ARID5B: variants seen among roughly 807,000 people sequenced by gnomAD.
ARID5B encodes AT-rich interactive domain-containing protein 5B.
A neutral mutation model predicts 97.2 loss-of-function variants in ARID5B; 13 were observed. That is an observed-to-expected ratio of 0.13 (90% CI 0.09 to 0.21). The LOEUF is 0.21. Ranked by LOEUF, ARID5B falls within the 10% of genes least tolerant of loss-of-function variation. The probability of loss-of-function intolerance (pLI) is 1.00; values close to 1 mark genes in which losing one functional copy is unlikely to be tolerated. For missense variants in ARID5B, 1,210 were observed against 1,465.3 expected (o/e 0.83, Z 2.84); for synonymous variants, 556 against 570.3 (o/e 0.97, Z 0.36).
intron 4 of ARID5B, among the ~76,000 whole-genome samples, chr10:62,047,826 C>T (rs1005651631): frequency 2.0e-5 from 3 of 152,164 alleles, no homozygotes; most frequent in African/African-American, 7.2e-5. Context: ...TTTTTGCTGT[C>T]CCCAAAGCCA....
At chr10:61,930,037 T>G (rs1207225669) in intron 2 of ARID5B, among the ~76,000 whole-genome samples, 1 of 152,212 alleles carries the variant, frequency 6.6e-6, no homozygotes, top group Non-Finnish European at 1.5e-5. Context: ...GATGAATTTT[T>G]GGGACCAAAC....
In ARID5B at chr10:61,940,234, G is replaced by A. The variant is rs1455393290; in HGVS notation, c.328G>A (p.Val110Ile). The change falls in exon 3 of 10, where the codon GTC becomes ATC. Residue 110 changes from valine (V) to isoleucine (I), a missense_variant. Val to Ile is a conservative substitution (Grantham distance 29, BLOSUM62 3). This residue lies in a region of ARID5B where 80 missense variants were observed against 133.2 expected (regional missense o/e 0.60). Transcript: ENST00000279873. ...EKVIVKLEDL[V>I]KWVHSDFSKW... is the part of the protein sequence containing the mutation. ...GGTGATTGTGAAGCTTGAAGACCTG[G>A]TCAAGTGGGTACATTCTGATTTCTC... 1 of 1,614,148 alleles carries A rather than the reference G, an allele frequency of 6.2e-7. No individual in the cohort carries two copies. The highest frequency in any genetic ancestry group is 2.2e-5 in the East Asian group (1 of 44,880).
At chr10:61,909,227 T>TA (rs1170241986) in intron 2 of ARID5B, among the ~76,000 whole-genome samples, 1 of 151,880 alleles carries the variant, frequency 6.6e-6, no homozygotes, top group Non-Finnish European at 1.5e-5. Context: ...CCTGACCCTA[T>TA]GCTCCCCCCA....
intron 3 of ARID5B, among the ~76,000 whole-genome samples, chr10:61,970,619 G>C (rs1363664389): frequency 4.6e-5 from 7 of 152,192 alleles, no homozygotes; most frequent in Admixed American, 2.6e-4. Flanking sequence ...CAAGAGCGCC[G>C]AGGAGGTTGA....
intron 8 of ARID5B, among the ~76,000 whole-genome samples, chr10:62,079,224 CT>C (rs1840177944): frequency 6.6e-6 from 1 of 152,126 alleles, no homozygotes; most frequent in African/African-American, 2.4e-5. Context: ...GCACAGCCAC[CT>C]TTTTGAGATG....
At chr10:62,076,464 G>C (rs1279922073) in intron 8 of ARID5B, among the ~76,000 whole-genome samples, 1 of 148,782 alleles carries the variant, frequency 6.7e-6, no homozygotes, top group Non-Finnish European at 1.5e-5. Context: ...ATCACGGGAT[G>C]AATCACGGGA....
intron 6 of ARID5B, 149 bp from the exon 7 acceptor site, chr10:62,059,094 G>T: frequency 1.8e-6 from 1 of 565,870 alleles, no homozygotes. Flanking sequence ...TGCCCTTTGG[G>T]CAAATTGTTT....
At chr10:62,035,538 T>G (rs1589267807) in intron 4 of ARID5B, among the ~76,000 whole-genome samples, 1 of 152,344 alleles carries the variant, frequency 6.6e-6, no homozygotes, top group East Asian at 1.9e-4. Context: ...TTGCCCAGGC[T>G]GGAGTGCAGT....
At chr10:62,023,046 T>G (rs889323402) in intron 4 of ARID5B, among the ~76,000 whole-genome samples, 1 of 152,200 alleles carries the variant, frequency 6.6e-6, no homozygotes, top group South Asian at 2.1e-4. Context: ...GCTTGGACTT[T>G]CCACACACTG....
At chr10:62,047,805 G>A (rs1418727736) in intron 4 of ARID5B, among the ~76,000 whole-genome samples, 3 of 152,162 alleles carry the variant, frequency 2.0e-5, no homozygotes, top group Admixed American at 2.0e-4. Context: ...GATGTGGCCT[G>A]GGGACCAGAA....
At chr10:61,946,140 A>G (rs180910368) in intron 3 of ARID5B, among the ~76,000 whole-genome samples, 1 of 151,440 alleles carries the variant, frequency 6.6e-6, no homozygotes, top group Non-Finnish European at 1.5e-5. Context: ...AAACTGAGCC[A>G]TAAGTGGCCA....
chr10:62,021,457 T>C (rs1839355560), intron 4 of ARID5B, among the ~76,000 whole-genome samples: 1 of 152,226 alleles, frequency 6.6e-6, no homozygotes, highest in South Asian at 2.1e-4. Context: ...GGAATATATG[T>C]AGCATTTGAA....
intron 2 of ARID5B, among the ~76,000 whole-genome samples, chr10:61,937,801 C>G (rs1482991269): frequency 1.3e-5 from 2 of 152,148 alleles, no homozygotes; most frequent in Non-Finnish European, 2.9e-5. Context: ...GTGATTTATG[C>G]CATTGTGTGC....
chr10:61,954,322 A>G (rs1838362604), intron 3 of ARID5B, among the ~76,000 whole-genome samples: 1 of 152,024 alleles, frequency 6.6e-6, no homozygotes. Flanking sequence ...GCGCCATTGC[A>G]CTCTAGCCTG....
chr10:61,999,984 A>G (rs1368614425), intron 3 of ARID5B, 107 bp from the exon 4 acceptor site: 16 of 1,077,384 alleles, frequency 1.5e-5, no homozygotes, highest in Non-Finnish European at 2.2e-5. Flanking sequence ...CAAGGATGAG[A>G]GTCTTTTTAG....
At chr10:61,997,117 A>G (rs1424356165) in intron 3 of ARID5B, among the ~76,000 whole-genome samples, 1 of 152,064 alleles carries the variant, frequency 6.6e-6, no homozygotes, top group African/African-American at 2.4e-5. Context: ...CAGGACCACT[A>G]TTAGCAACAC....
At chr10:61,983,867 CTT>C (rs1164342402) in intron 3 of ARID5B, among the ~76,000 whole-genome samples, 2 of 27,590 alleles carry the variant, frequency 7.2e-5, no homozygotes, top group African/African-American at 3.2e-4. Flanking sequence ...CCCTTTTGTT[CTT>C]TTTTTTTTTT....
In ARID5B at chr10:62,072,630, A is replaced by G. The variant is rs1401894295; in HGVS notation, c.1199+2833A>G. 2.0e-5 allele frequency among the ~76,000 whole-genome samples: 3 copies of G among 152,238 alleles called. No homozygotes were observed. In the East Asian group the frequency reaches 5.8e-4, roughly 29 times the overall value. ...GGAGCATAGCTGTCCCAGGGTGATT[A>G]GCAAGGTCCTTTACCTTTCCTTGGT... On this transcript the variant is annotated intron_variant, in intron 8 of 9. Coordinates refer to ENST00000279873, the MANE Select transcript of ARID5B (RefSeq NM_032199.3).
chr10:62,077,288 A>C (rs1439400935), intron 8 of ARID5B, among the ~76,000 whole-genome samples: 3 of 152,234 alleles, frequency 2.0e-5, no homozygotes, highest in Non-Finnish European at 4.4e-5. Flanking sequence ...AACTTTTAGA[A>C]AGGAAAACAA....
Sources: gnomAD v4.1 joint callset for allele counts (sites outside exome capture counted in the v4.1 genomes callset) on GRCh38, gnomAD v4.1.1 for gene constraint, gnomAD v4.1.1 regional missense constraint, MANE v1.5 for transcripts, NCBI Gene and HGNC (gene_info 2026-07-23, HGNC 2026-07-21) for gene names.